Variants in PRKCI observed in about 807,000 individuals in gnomAD.
The protein encoded by PRKCI is protein kinase C iota, also known as protein kinase C iota type.
PRKCI carries 43 observed loss-of-function variants against 84.0 expected under a neutral mutation model. That is an observed-to-expected ratio of 0.51 (90% confidence interval 0.40 to 0.66). The LOEUF (loss-of-function observed/expected upper bound fraction) is 0.66, where lower values mean the gene tolerates loss of function less well. Among genes scored for constraint, PRKCI ranks in the 30% least tolerant of loss-of-function variants. The pLI is 0.00. For missense variants in PRKCI, 459 were observed against 745.6 expected, an observed-to-expected ratio of 0.62 and a Z score of 4.48; for synonymous variants, 216 against 234.4, an observed-to-expected ratio of 0.92 and a Z score of 0.72.
At chr3:170,249,095 A>G (rs1021327006) in intron 2 of PRKCI, among the ~76,000 whole-genome samples, 5 of 151,926 alleles carry the variant, frequency 3.3e-5, no homozygotes, top group African/African-American at 1.2e-4. Context: ...TGATCTGCCC[A>G]CCTCGGTCTC....
intron 5 of PRKCI, among the ~76,000 whole-genome samples, chr3:170,269,117 GT>G (rs1733937848): frequency 6.6e-6 from 1 of 152,078 alleles, no homozygotes; most frequent in African/African-American, 2.4e-5. Flanking sequence ...GTTATACCTT[GT>G]TGGCCAAGCT....
intron 15 of PRKCI, among the ~76,000 whole-genome samples, chr3:170,296,718 A>T (rs1734692429): frequency 6.6e-6 from 1 of 152,220 alleles, no homozygotes; most frequent in East Asian, 1.9e-4. Context: ...AATTTTTCAC[A>T]TAGTGAAAAA....
At chr3:170,247,056 G>A (rs1247167256) in intron 2 of PRKCI, among the ~76,000 whole-genome samples, 1 of 146,644 alleles carries the variant, frequency 6.8e-6, no homozygotes, top group Non-Finnish European at 1.5e-5. Flanking sequence ...CATCTCTTTG[G>A]CTGCTTTTAA....
At chr3:170,233,870 A>G (rs1265382737) in intron 1 of PRKCI, among the ~76,000 whole-genome samples, 1 of 150,872 alleles carries the variant, frequency 6.6e-6, no homozygotes, top group Non-Finnish European at 1.5e-5. Context: ...ATAGGCACCC[A>G]CCACCATGCC....
chr3:170,222,813 C>G (rs200136885), intron 1 of PRKCI, 43 bp downstream of exon 1: 1 of 1,255,290 alleles, frequency 8.0e-7, no homozygotes, highest in Non-Finnish European at 1.1e-6. Flanking sequence ...GGGGACAGGC[C>G]GGCTCCACTC....
chr3:170,273,418 C>A, intron 7 of PRKCI, 78 bp downstream of exon 7: 2 of 1,368,450 alleles, frequency 1.5e-6, no homozygotes, highest in South Asian at 1.2e-5. Context: ...CTCTCTTACC[C>A]AAGTTTAAAA....
intron 16 of PRKCI, among the ~76,000 whole-genome samples, chr3:170,298,595 G>A (rs983071734): frequency 1.3e-5 from 2 of 152,024 alleles, no homozygotes; most frequent in African/African-American, 2.4e-5. Flanking sequence ...TAGTAGAGAC[G>A]GGGTTTAGCT....
At chr3:170,236,880 AG>A (rs768947483) in intron 2 of PRKCI, among the ~76,000 whole-genome samples, 2,101 of 148,670 alleles carry the variant, frequency 0.014, 28 homozygotes, top group East Asian at 0.076. Flanking sequence ...AAAAAAAAAA[AG>A]AAAGAAAAAG....
intron 5 of PRKCI, among the ~76,000 whole-genome samples, chr3:170,268,958 A>G (rs2108852941): frequency 6.6e-6 from 1 of 152,240 alleles, no homozygotes; most frequent in East Asian, 1.9e-4. Context: ...TCTATCGCCC[A>G]GGCTGGAGTG....
intron 3 of PRKCI, among the ~76,000 whole-genome samples, chr3:170,260,493 A>T (rs898352005): frequency 6.6e-6 from 1 of 152,006 alleles, no homozygotes; most frequent in Non-Finnish European, 1.5e-5. Context: ...AGACAGTCTC[A>T]CTCTGTCACC....
chr3:170,296,878 T>C (rs1227102558), intron 15 of PRKCI, among the ~76,000 whole-genome samples: 1 of 152,200 alleles, frequency 6.6e-6, no homozygotes, highest in Non-Finnish European at 1.5e-5. Flanking sequence ...GGTTGTATCA[T>C]TGTCTTACAC....
At position 170,305,908 on chromosome 3, in the gene PRKCI, T is replaced by A. The variant is rs1193165483; in HGVS notation, c.*2781T>A. On this transcript the variant is annotated 3_prime_UTR_variant, in exon 18 of 18. Transcript: ENST00000295797. ...TAGAATACTACTGTGGTCATCATAA[T>A]GTAATCTATTTCTGTACCTTTTTTT... is the stretch of plus-strand genomic sequence containing the variant. 6.6e-6 allele frequency: 1 copy of A among 151,926 alleles called. No homozygotes were observed. The highest frequency in any genetic ancestry group is 1.5e-5 in the Non-Finnish European group (1 of 67,980). The allele number at this position is 151,926 out of a possible 1,614,324, so 9.4% of individuals were successfully genotyped here.
At chr3:170,267,043 T>G (rs1460366540) in intron 4 of PRKCI, among the ~76,000 whole-genome samples, 1 of 152,092 alleles carries the variant, frequency 6.6e-6, no homozygotes, top group Non-Finnish European at 1.5e-5. Flanking sequence ...ATATGAATTG[T>G]ATACTGGTTG....
At position 170,257,330 on chromosome 3, in the gene PRKCI, C is replaced by T. The variant is rs138442789; in HGVS notation, c.224-2639C>T. Among the ~76,000 whole-genome samples the T allele has an allele frequency of 3.7e-4, 57 of 152,204 alleles. No individual in the cohort carries two copies. In the Middle Eastern group the frequency reaches 0.017, roughly 45 times the overall value. ...CCTAGAATAAGGACTGAAAAGATGT[C>T]ATAGGTTTCAGCAGCTGGTTTCATG... is the stretch of plus-strand genomic sequence containing the variant. On this transcript the variant is annotated intron_variant, in intron 2 of 17. Transcript: ENST00000295797.
At chr3:170,267,396 G>A (rs1733886284) in intron 4 of PRKCI, among the ~76,000 whole-genome samples, 1 of 151,826 alleles carries the variant, frequency 6.6e-6, no homozygotes, top group Non-Finnish European at 1.5e-5. Context: ...GTAGTAGGCC[G>A]GGCGCGTTGG....
rs145849596 is a variant in PRKCI, at chr3:170,274,004, G to T, written c.646+664G>T. Among the ~76,000 whole-genome samples the T allele has an allele frequency of 9.6e-3, 1,452 of 151,910 alleles. 8 individuals carry two copies. The highest frequency in any genetic ancestry group is 0.015 in the Non-Finnish European group (1,021 of 67,944). The stretch of plus-strand genomic sequence containing the variant: ...AAAAAGTATGTAAACTACAACAAAT[G>T]ACTATTTTTTCTAGTTCACATAAAT... On this transcript the variant is annotated intron_variant, in intron 7 of 17. Transcript: ENST00000295797.
intron 8 of PRKCI, among the ~76,000 whole-genome samples, chr3:170,276,454 C>CTTTTTTTTTTTTT (rs144477921): frequency 6.7e-6 from 1 of 149,232 alleles, no homozygotes; most frequent in African/African-American, 2.5e-5. Context: ...TTCTTTTTAA[C>CTTTTTTTTTTTTT]TTTTTTTTTT....
intron 16 of PRKCI, among the ~76,000 whole-genome samples, chr3:170,298,402 ATTTT>A (rs1207108049): frequency 1.5e-5 from 2 of 129,590 alleles, no homozygotes. Context: ...CTAATTTTCA[ATTTT>A]TTTTTTTTTT....
chr3:170,247,760 A>AAAT (rs1560170549), intron 2 of PRKCI, among the ~76,000 whole-genome samples: 1 of 144,404 alleles, frequency 6.9e-6, no homozygotes, highest in African/African-American at 2.6e-5. Flanking sequence ...AAAAAAAAAA[A>AAAT]GTTGAGGATG....
Sources: gnomAD v4.1 joint callset for allele counts (sites outside exome capture counted in the v4.1 genomes callset) on GRCh38, gnomAD v4.1.1 for gene constraint, MANE v1.5 for transcripts, NCBI Gene and HGNC (gene_info 2026-07-23, HGNC 2026-07-21) for gene names.